The following MAP1S variants were observed in gnomAD, a reference collection of about 807,000 sequenced individuals.
MAP1S encodes the protein microtubule associated protein 1S.
Under a neutral mutation model 60.9 loss-of-function variants are expected in MAP1S, and 27 were observed. The ratio of observed to expected loss-of-function variants is 0.44; its 90% CI spans 0.33 to 0.61. The LOEUF (loss-of-function observed/expected upper bound fraction) is 0.61, where lower values mean the gene tolerates loss of function less well. Ranked by LOEUF, MAP1S falls within the 20% of genes least tolerant of loss-of-function variation. MAP1S has a pLI of 0.03. For missense variants in MAP1S, 1,608 were observed against 1,486.6 expected, an observed-to-expected ratio of 1.08 and a Z score of -1.34; for synonymous variants, 826 against 694.2, an observed-to-expected ratio of 1.19 and a Z score of -2.98.
intron 1 of MAP1S, 32 bp downstream of exon 1, chr19:17,719,652 G>A: frequency 8.5e-7 from 1 of 1,177,244 alleles, no homozygotes; most frequent in Non-Finnish European, 1.1e-6. Flanking sequence ...GCGGGAGCCC[G>A]GGAGGCGGGC....
chr19:17,727,405 C>T lies in MAP1S; in HGVS notation c.2021C>T (p.Thr674Ile), dbSNP rs568566459. The T allele has an allele frequency of 1.9e-6, 3 of 1,598,066 alleles. No individual in the cohort carries two copies. The East Asian group carries it at 6.8e-5, about 36-fold the overall frequency. ...CCAGACGCCTCACCCACAGTGACCACACCCACGGTGACCACGCCCTCACTA... is the reference window on the plus strand; with the variant it reads ...CCAGACGCCTCACCCACAGTGACCATACCCACGGTGACCACGCCCTCACTA... ...AGPDASPTVT[T>I]PTVTTPSLPA... is the part of the protein sequence containing the mutation. Residue 674 changes from threonine (T) to isoleucine (I), a missense_variant, in exon 5 of 7, where the codon ACA becomes ATA. This residue lies in a region of MAP1S where 1,167 missense variants were observed against 961.4 expected (regional missense o/e 1.21). Transcript: ENST00000324096. The surrounding 1 kb of genome is among the most constrained non-coding windows in gnomAD (Gnocchi z 4.1).
chr19:17,729,565 G>A (rs540514986), intron 5 of MAP1S, among the ~76,000 whole-genome samples: 1 of 152,218 alleles, frequency 6.6e-6, no homozygotes, highest in Non-Finnish European at 1.5e-5. Context: ...GAGTGCAGTG[G>A]CGCAAACATG....
rs968178856 is a variant in MAP1S at position 17,720,599 on chromosome 19, C to T, written c.119-337C>T. The T allele has an allele frequency of 1.8e-5, 22 of 1,250,156 alleles. 1 individual carries two copies. The highest frequency in any genetic ancestry group is 5.3e-4 in the Middle Eastern group (2 of 3,740). The allele number at this position is 1,250,156 out of a possible 1,614,324, so 77.4% of individuals were successfully genotyped here. On this transcript the variant is annotated intron_variant, in intron 1 of 6. Coordinates refer to ENST00000324096, the MANE Select transcript of MAP1S (RefSeq NM_018174.6). ...CCTGGCCAGTAGGAACAGGTGGGGG[C>T]GGCAGGGGGATGGACTTCCAGGCAG...
Position 17,726,602 on chromosome 19 carries a change from G to T in MAP1S, c.1218G>T (p.Glu406Asp). 6.4e-7 allele frequency: 1 copy of T among 1,570,234 alleles called. No homozygotes were observed. The stretch of plus-strand genomic sequence containing the variant: ...TGCACCCGCCCTCCGCCGGCGCCGA[G>T]CGCACGCTGGCCTCTGTGTGCGCCC... ...YVLHPPSAGA[E>D]RTLASVCALL... Residue 406 changes from glutamate (E) to aspartate (D), a missense_variant, in exon 5 of 7, where the codon GAG becomes GAT. Glu to Asp is a conservative substitution (Grantham distance 45, BLOSUM62 2). Coordinates refer to ENST00000324096, the MANE Select transcript of MAP1S (RefSeq NM_018174.6).
At position 17,727,142 on chromosome 19, in the gene MAP1S, C is replaced by A; in HGVS notation, c.1758C>A (p.Leu586=). 6.3e-7 allele frequency: 1 copy of A among 1,591,376 alleles called. No individual in the cohort carries two copies. The highest frequency in any genetic ancestry group is 2.3e-5 in the East Asian group (1 of 43,906). Residue 586 remains leucine, a synonymous_variant, in exon 5 of 7, where the codon CTC becomes CTA. Transcript: ENST00000324096. The surrounding 1 kb of genome is among the most constrained non-coding windows in gnomAD (Gnocchi z 4.1). ...ATGGACCCCGCAGCCCGCCCAGCCT[C>A]CGATGTGGAGAAGCCAGCCCCCCCA... ...VANGPRSPPS[L]RCGEASPPSA... is the part of the protein sequence containing the mutation.
chr19:17,725,177 G>A lies in MAP1S; in HGVS notation c.432G>A (p.Leu144=). The A allele has an allele frequency of 1.2e-6, 2 of 1,612,628 alleles. No homozygotes were observed. Among genetic ancestry groups the A allele is most frequent in the Non-Finnish European group, 1.7e-6 (2 of 1,179,232 alleles). ...GFSPHHFLQV[L]KDREIRDILA... The stretch of plus-strand genomic sequence containing the variant: ...CGCCTCACCACTTCCTCCAGGTCCT[G>A]AAGGACAGAGAGGTAAGCCACCCCT... The change falls in exon 4 of 7, where the codon CTG becomes CTA. Residue 144 remains leucine, a synonymous_variant. Coordinates refer to ENST00000324096, the MANE Select transcript of MAP1S (RefSeq NM_018174.6). The surrounding 1 kb of genome is among the most constrained non-coding windows in gnomAD (Gnocchi z 4.2).
Position 17,726,131 on chromosome 19 carries a change from C to G in MAP1S, c.747C>G (p.Gly249=). 1 of 1,614,030 alleles carries G rather than the reference C, an allele frequency of 6.2e-7. No homozygotes were observed. The highest frequency in any genetic ancestry group is 8.5e-7 in the Non-Finnish European group (1 of 1,179,976). ...CCTGCTGCTACATCTTCCCTGGAGG[C>G]CTCGGGGATGCCGCCTTCTTCGCCG... The part of the protein sequence containing the change: ...GRPCCYIFPG[G]LGDAAFFAVN... Residue 249 remains glycine (G), a synonymous_variant, in exon 5 of 7, where the codon GGC becomes GGG. Transcript: ENST00000324096.
chr19:17,719,531 C>CCGCGGCTCCGAGCT lies in MAP1S; in HGVS notation c.31_44dup (p.Leu16ArgfsTer62). 6 of 1,245,910 alleles carry CCGCGGCTCCGAGCT rather than the reference C, an allele frequency of 4.8e-6. No individual in the cohort carries two copies. The highest frequency in any genetic ancestry group is 6.1e-6 in the Non-Finnish European group (6 of 987,600). The allele number at this position is 1,245,910 out of a possible 1,614,324, so 77.2% of individuals were successfully genotyped here. On this transcript the variant is annotated frameshift_variant, in exon 1 of 7. Coordinates refer to ENST00000324096, the MANE Select transcript of MAP1S (RefSeq NM_018174.6). LOFTEE classifies it high-confidence loss of function. ...GCGGCGGTGGCTGGATCTGGGGCTGCCGCGGCTCCGAGCTCACTGCTCCTC... is the reference window on the plus strand; with the variant it reads ...GCGGCGGTGGCTGGATCTGGGGCTGCCGCGGCTCCGAGCTCGCGGCTCCGAGCTCACTGCTCCTC...
At chr19:17,724,054 AG>A in intron 2 of MAP1S, 71 bp from the exon 3 acceptor site, 4 of 1,201,314 alleles carry the variant, frequency 3.3e-6, no homozygotes, top group Non-Finnish European at 4.9e-6. Context: ...GGGTTCCCAG[AG>A]GGGTTCATGT....
chr19:17,719,923 G>A (rs2080355519), intron 1 of MAP1S: 1 of 180,764 alleles, frequency 5.5e-6, no homozygotes, highest in African/African-American at 2.4e-5. Context: ...GACCCTTGCA[G>A]TTGGACCACG....
intron 6 of MAP1S, 82 bp downstream of exon 6, chr19:17,733,510 C>T: frequency 8.2e-7 from 1 of 1,212,676 alleles, no homozygotes; most frequent in Non-Finnish European, 1.1e-6. Flanking sequence ...AGAGACTAAG[C>T]TGTGTTCCCC....
Position 17,734,462 on chromosome 19 carries a change from C to T in MAP1S, c.*34C>T. 1 of 1,584,000 alleles carries T rather than the reference C, an allele frequency of 6.3e-7. No individual in the cohort carries two copies. The highest frequency in any genetic ancestry group is 1.1e-5 in the South Asian group (1 of 88,942). On this transcript the variant is annotated 3_prime_UTR_variant, in exon 7 of 7. Transcript: ENST00000324096. ...CCGACACGCCCCCCACTCAGCCCAGCCCGCCTGTCCCTAGATTCAGCCACA... is the reference window on the plus strand; with the variant it reads ...CCGACACGCCCCCCACTCAGCCCAGTCCGCCTGTCCCTAGATTCAGCCACA...
Position 17,724,228 on chromosome 19 carries a change from C to T in MAP1S, c.303+20C>T. 3 of 1,606,700 alleles carry T rather than the reference C, an allele frequency of 1.9e-6. No homozygotes were observed. The highest frequency in any genetic ancestry group is 2.6e-6 in the Non-Finnish European group (3 of 1,173,640). On this transcript the variant is annotated intron_variant, in intron 3 of 6. Transcript: ENST00000324096. ...GATGAGGTAGGGAATGGCTGACGTC[C>T]TGGAGGGGGCGGGCTGCTGGGACCC...
At chr19:17,720,562 GGGGAA>G in intron 1 of MAP1S, 1 of 1,427,514 alleles carries the variant, frequency 7.0e-7, no homozygotes, top group Non-Finnish European at 9.2e-7. Flanking sequence ...AGGTGCTGAG[GGGGAA>G]GGGCCCCCTG....
intron 5 of MAP1S, among the ~76,000 whole-genome samples, chr19:17,730,750 A>G (rs1568296060): frequency 6.6e-6 from 1 of 152,072 alleles, no homozygotes; most frequent in Non-Finnish European, 1.5e-5. Flanking sequence ...CTGCCTTTTT[A>G]TTCTTTTGAT....
chr19:17,727,915 A>ACCCCGAGATGCTGCC lies in MAP1S; in HGVS notation c.2536_2550dup (p.Glu846_Pro850dup). The stretch of plus-strand genomic sequence containing the variant: ...GACCCATCCAGCATCTGCATGGTGG[A>ACCCCGAGATGCTGCC]CCCCGAGATGCTGCCCCCCAAGACA... On this transcript the variant is annotated inframe_insertion, in exon 5 of 7. Coordinates refer to ENST00000324096, the MANE Select transcript of MAP1S (RefSeq NM_018174.6). The surrounding 1 kb of genome is among the most constrained non-coding windows in gnomAD (Gnocchi z 4.1). 6.2e-7 allele frequency: 1 copy of ACCCCGAGATGCTGCC among 1,610,812 alleles called. No individual in the cohort carries two copies.
Position 17,733,279 on chromosome 19 carries a change from A to G in MAP1S, c.2875A>G (p.Ser959Gly), listed in dbSNP as rs2080508806. 2 of 1,572,692 alleles carry G rather than the reference A, an allele frequency of 1.3e-6. No homozygotes were observed. The highest frequency in any genetic ancestry group is 1.7e-6 in the Non-Finnish European group (2 of 1,160,162). Reference sequence around the variant, plus strand: ...CCTGGCCTACCTGCCCAGCGGGAGCAGCGCCCACCTGGTGGATGAGGAGTT... The same window carrying G: ...CCTGGCCTACCTGCCCAGCGGGAGCGGCGCCCACCTGGTGGATGAGGAGTT... The part of the protein sequence containing the change: ...LDLAYLPSGS[S>G]AHLVDEEFFQ... The change falls in exon 6 of 7, where the codon AGC (serine) becomes GGC (glycine). Residue 959 changes from serine to glycine, a missense_variant. Around this residue, in one of 4 missense-constraint regions of MAP1S, gnomAD observed 1,167 missense variants for 961.4 expected, o/e 1.21. Coordinates refer to ENST00000324096, the MANE Select transcript of MAP1S (RefSeq NM_018174.6).
rs1302944786 is a variant in MAP1S at position 17,727,832 on chromosome 19, T to C, written c.2448T>C (p.Phe816=). The C allele has an allele frequency of 9.9e-6, 16 of 1,613,338 alleles. No individual in the cohort carries two copies. Among genetic ancestry groups the C allele is most frequent in the Non-Finnish European group, 1.3e-5 (15 of 1,179,862 alleles). ...ACTCAGACGAAGACACAGAGGGCTT[T>C]GGAGTCCCTCGCCACGACCCTTTGC... ...AADSDEDTEG[F]GVPRHDPLPD... is the part of the protein sequence containing the mutation. Residue 816 remains phenylalanine (F), a synonymous_variant, in exon 5 of 7, where the codon TTT becomes TTC. Transcript: ENST00000324096. The surrounding 1 kb of genome is among the most constrained non-coding windows in gnomAD (Gnocchi z 4.1).
chr19:17,720,228 G>A (rs946779038), intron 1 of MAP1S: 11 of 1,379,552 alleles, frequency 8.0e-6, no homozygotes, highest in Middle Eastern at 2.4e-4. Context: ...TGATGCGCCC[G>A]TGGGTGGAGA....
Sources: allele counts gnomAD v4.1 joint callset (sites outside exome capture counted in the v4.1 genomes callset), GRCh38; gene constraint gnomAD v4.1.1; regional missense constraint gnomAD v4.1.1; non-coding constraint Gnocchi (gnomAD v3.1); transcripts MANE v1.5; gene names NCBI Gene and HGNC (gene_info 2026-07-23, HGNC 2026-07-21).